Variants in GRK4 observed in about 807,000 individuals in gnomAD.
GRK4 encodes the protein G protein-coupled receptor kinase 2-like.
GRK4 carries 73 observed loss-of-function variants against 77.9 expected under a neutral mutation model. The ratio of observed to expected loss-of-function variants is 0.94; its 90% CI spans 0.78 to 1.14. The LOEUF is 1.14. GRK4 is among the 50% of genes most tolerant of loss of function. GRK4 has a pLI of 0.00. For synonymous variants in GRK4, 257 were observed against 254.4 expected (o/e 1.01, Z -0.10); for missense variants, 729 against 700.2 (o/e 1.04, Z -0.46).
intron 4 of GRK4, among the ~76,000 whole-genome samples, chr4:2,994,235 G>A (rs1428280382): frequency 6.6e-6 from 1 of 151,964 alleles, no homozygotes; most frequent in Non-Finnish European, 1.5e-5. Flanking sequence ...TTTTGAGATA[G>A]CACCTTGCTC....
intron 9 of GRK4, among the ~76,000 whole-genome samples, chr4:3,021,550 G>C (rs1560475567): frequency 6.6e-6 from 1 of 152,180 alleles, no homozygotes; most frequent in Non-Finnish European, 1.5e-5. Context: ...CTTGGCAGTG[G>C]GGCTGACACC....
chr4:3,020,869 G>A (rs114442266), intron 9 of GRK4, among the ~76,000 whole-genome samples: 4,305 of 152,270 alleles, frequency 0.028, 77 homozygotes, highest in Middle Eastern at 0.041. Context: ...CTTTGTTCTT[G>A]TCACTATTCC....
chr4:3,037,330 T>C (rs1741012070), intron 13 of GRK4, 44 bp from the exon 14 acceptor site: 1 of 1,539,182 alleles, frequency 6.5e-7, no homozygotes, highest in Non-Finnish European at 8.9e-7. Context: ...GAGCTGAGAA[T>C]TGCTGTAGTC....
At chr4:2,995,506 TAAAAAAAAAAAAA>T (rs35993504) in intron 4 of GRK4, among the ~76,000 whole-genome samples, 6 of 93,968 alleles carry the variant, frequency 6.4e-5, no homozygotes. Context: ...TCATCTCTAC[TAAAAAAAAAAAAA>T]AAAAAAAAAA....
chr4:3,018,620 G>A (rs1484655215), intron 8 of GRK4, among the ~76,000 whole-genome samples: 1 of 152,202 alleles, frequency 6.6e-6, no homozygotes, highest in African/African-American at 2.4e-5. Context: ...GTTCACGCCC[G>A]TGATCCCAGC....
chr4:3,000,080 A>G (rs1385670609), intron 4 of GRK4, among the ~76,000 whole-genome samples: 1 of 152,214 alleles, frequency 6.6e-6, no homozygotes, highest in Non-Finnish European at 1.5e-5. Flanking sequence ...AATTTTAAAA[A>G]GCAAGGCACT....
chr4:2,966,295 C>CCAGCTA (rs1476959800), intron 1 of GRK4: 2 of 152,154 alleles, frequency 1.3e-5, no homozygotes, highest in African/African-American at 2.4e-5. Flanking sequence ...GCCTGTAGTC[C>CCAGCTA]CAGCTACATG....
In GRK4 at chr4:3,029,425, T is replaced by C. The variant is rs1738521305; in HGVS notation, c.1269+16T>C. ...CTGCAGGATGGTAAGTCAGGCTCTG[T>C]AGAGGCTGGGAAATGGCACTTCTCA... On this transcript the variant is annotated intron_variant, in intron 12 of 15. Coordinates refer to ENST00000398052, the MANE Select transcript of GRK4 (RefSeq NM_182982.3). 4 of 1,597,624 alleles carry C rather than the reference T, an allele frequency of 2.5e-6. No homozygotes were observed. Among genetic ancestry groups the C allele is most frequent in the Non-Finnish European group, 3.4e-6 (4 of 1,165,572 alleles).
chr4:2,986,205 G>T lies in GRK4; in HGVS notation c.148+1597G>T, dbSNP rs530529011. 8.6e-5 allele frequency among the ~76,000 whole-genome samples: 13 copies of T among 150,846 alleles called. 1 individual carries two copies. The South Asian group carries it at 2.7e-3, about 32-fold the overall frequency. On this transcript the variant is annotated intron_variant, in intron 2 of 15. Coordinates refer to ENST00000398052, the MANE Select transcript of GRK4 (RefSeq NM_182982.3). ...CCTTTGCTAATACTGGTTGTTGTCA[G>T]TATTTTTAATATTTGCTAAACTGCA...
At chr4:2,972,849 C>G (rs1719996593) in intron 1 of GRK4, among the ~76,000 whole-genome samples, 1 of 152,146 alleles carries the variant, frequency 6.6e-6, no homozygotes, top group Non-Finnish European at 1.5e-5. Flanking sequence ...GCTCTCCTGC[C>G]TCAGCGTCCC....
chr4:2,980,567 T>C (rs1450716555), intron 1 of GRK4, among the ~76,000 whole-genome samples: 3 of 151,604 alleles, frequency 2.0e-5, no homozygotes, highest in Non-Finnish European at 4.4e-5. Flanking sequence ...GCACAGGGAC[T>C]CACTGGAAGC....
chr4:2,986,886 A>G, intron 2 of GRK4: 2 of 322,318 alleles, frequency 6.2e-6, no homozygotes, highest in Non-Finnish European at 1.2e-5. Context: ...TAAAGGAGCT[A>G]GTATTTCCCT....
At chr4:2,987,302 A>T (rs1390576309) in intron 2 of GRK4, among the ~76,000 whole-genome samples, 1 of 152,206 alleles carries the variant, frequency 6.6e-6, no homozygotes, top group Non-Finnish European at 1.5e-5. Context: ...ATATTCCATT[A>T]TATGGATATA....
intron 12 of GRK4, among the ~76,000 whole-genome samples, chr4:3,033,056 T>C (rs536888833): frequency 6.6e-6 from 1 of 152,240 alleles, no homozygotes; most frequent in South Asian, 2.1e-4. Flanking sequence ...TGCCTGCAGA[T>C]TTGGTGTTGG....
chr4:3,028,659 G>C (rs1197124193), intron 11 of GRK4, among the ~76,000 whole-genome samples: 1 of 152,126 alleles, frequency 6.6e-6, no homozygotes, highest in Non-Finnish European at 1.5e-5. Flanking sequence ...AAAAATATTA[G>C]CTTTATTGGG....
chr4:3,040,553 C>T lies in GRK4; in HGVS notation c.1684-19C>T, dbSNP rs201471694. 1.9e-5 allele frequency: 31 copies of T among 1,602,430 alleles called. No individual in the cohort carries two copies. The Admixed American group carries it at 2.1e-4, about 11-fold the overall frequency. On this transcript the variant is annotated intron_variant, in intron 15 of 15. Coordinates refer to ENST00000398052, the MANE Select transcript of GRK4 (RefSeq NM_182982.3). ...CTTCGCATCAGCCGTGTGCCTGAGG[C>T]CGCCGCTGTGTGTTGTAGGGCTGCC...
rs67664476 is a variant in GRK4 at position 2,988,075 on chromosome 4, CAAAAAAA to C, written c.149-634_149-628del. The stretch of plus-strand genomic sequence containing the variant: ...TGGATGACAGAGTGAGGCTCTGTCT[CAAAAAAA>C]AAAAAAAAAAAAAAAAAGAAGTAGA... On this transcript the variant is annotated intron_variant, in intron 2 of 15. Coordinates refer to ENST00000398052, the MANE Select transcript of GRK4 (RefSeq NM_182982.3). Among the ~76,000 whole-genome samples, 70 of 33,684 alleles carry C rather than the reference CAAAAAAA, an allele frequency of 2.1e-3. 1 individual carries two copies. Among genetic ancestry groups the C allele is most frequent in the African/African-American group, 6.1e-3 (53 of 8,686 alleles). 22.1% of individuals were successfully genotyped at this position (33,684 alleles called of 152,430 possible). A position where few individuals can be genotyped will look rare whatever the true frequency, so the allele number is the denominator to read the frequency against.
chr4:2,982,857 G>A (rs1723218414), intron 1 of GRK4, among the ~76,000 whole-genome samples: 1 of 152,212 alleles, frequency 6.6e-6, no homozygotes, highest in Non-Finnish European at 1.5e-5. Context: ...GGACATGGCT[G>A]TCACTGACAC....
At position 3,019,746 on chromosome 4, in the gene GRK4, G is replaced by A. The variant is rs757656701; in HGVS notation, c.847G>A (p.Gly283Ser). ...TCACATTTACAACCTGGGCAATCCCGGCTTTGATGAGCAGAGAGCCGTTTT... is the reference window on the plus strand; with the variant it reads ...TCACATTTACAACCTGGGCAATCCCAGCTTTGATGAGCAGAGAGCCGTTTT... The part of the protein sequence containing the change: ...KFHIYNLGNP[G>S]FDEQRAVFYA... The change falls in exon 9 of 16, where the codon GGC becomes AGC. Residue 283 changes from glycine (G) to serine (S), a missense_variant. Transcript: ENST00000398052. 1.2e-5 allele frequency: 20 copies of A among 1,614,196 alleles called. No homozygotes were observed. Among genetic ancestry groups the A allele is most frequent in the African/African-American group, 6.7e-5 (5 of 75,050 alleles).
Sources: gnomAD v4.1 joint callset for allele counts (sites outside exome capture counted in the v4.1 genomes callset) on GRCh38, gnomAD v4.1.1 for gene constraint, MANE v1.5 for transcripts, NCBI Gene and HGNC (gene_info 2026-07-23, HGNC 2026-07-21) for gene names.